Variants in CACNA1E observed in about 807,000 individuals in gnomAD.
CACNA1E encodes the protein voltage-dependent R-type calcium channel subunit alpha-1E.
Under a neutral mutation model 259.2 loss-of-function variants are expected in CACNA1E, and 40 were observed. The observed-to-expected ratio is 0.15, with a 90% CI of 0.12 to 0.20. The LOEUF (loss-of-function observed/expected upper bound fraction) is 0.20. Among genes scored for constraint, CACNA1E ranks in the 10% least tolerant of loss-of-function variants. The pLI is 1.00. For synonymous variants in CACNA1E, 1,104 were observed against 1,138.5 expected (o/e 0.97, Z 0.61); for missense variants, 1,874 against 3,040.1 (o/e 0.62, Z 9.02).
chr1:181,672,339 T>C (rs551855283), intron 7 of CACNA1E, among the ~76,000 whole-genome samples: 21 of 152,256 alleles, frequency 1.4e-4, no homozygotes, highest in Non-Finnish European at 3.1e-4. Context: ...GCCTGTGACA[T>C]GAGTTAACCT....
chr1:181,580,943 C>T (rs1260547090), intron 6 of CACNA1E, among the ~76,000 whole-genome samples, 167 bp downstream of exon 6: 3 of 152,210 alleles, frequency 2.0e-5, no homozygotes, highest in African/African-American at 7.2e-5. Flanking sequence ...GTTCATAACC[C>T]TCTTTTGTCT....
rs139516688 is a variant in CACNA1E, at chr1:181,742,060, C to T, written c.3719+2807C>T. 2.0e-3 allele frequency among the ~76,000 whole-genome samples: 299 copies of T among 152,330 alleles called. 5 individuals carry two copies. Among genetic ancestry groups the T allele is most frequent in the Admixed American group, 6.6e-3 (101 of 15,310 alleles). On this transcript the variant is annotated intron_variant, in intron 25 of 47. Transcript: ENST00000367573. Reference sequence around the variant, plus strand: ...GCCATGCCCATTCCCTCTCCCCTTTCTCCGCTCATGGAGCAGGTTCCCACT... The same window carrying T: ...GCCATGCCCATTCCCTCTCCCCTTTTTCCGCTCATGGAGCAGGTTCCCACT...
intron 1 of CACNA1E, among the ~76,000 whole-genome samples, chr1:181,497,972 CCCCG>C (rs1664915221): frequency 6.6e-6 from 1 of 152,166 alleles, no homozygotes; most frequent in Admixed American, 6.5e-5. Flanking sequence ...TTTGTCTTTC[CCCCG>C]CCAAAACTCC....
intron 7 of CACNA1E, among the ~76,000 whole-genome samples, chr1:181,661,184 C>G (rs1237502453): frequency 6.6e-6 from 1 of 152,146 alleles, no homozygotes; most frequent in East Asian, 1.9e-4. Flanking sequence ...TAAGTTTAAG[C>G]TTGATTCCAG....
intron 1 of CACNA1E, among the ~76,000 whole-genome samples, chr1:181,343,982 C>T (rs1652392866): frequency 6.6e-6 from 1 of 152,178 alleles, no homozygotes; most frequent in Non-Finnish European, 1.5e-5. Context: ...GCTACTCTTG[C>T]TCACCCTTCA....
At chr1:181,756,896 A>T (rs751752665) in intron 29 of CACNA1E, 29 bp from the exon 30 acceptor site, 14 of 1,463,774 alleles carry the variant, frequency 9.6e-6, no homozygotes, top group Non-Finnish European at 4.8e-6. Context: ...GTCATCCACC[A>T]TCTGTGCCCT....
chr1:181,583,052 C>T (rs1483763840), intron 6 of CACNA1E, among the ~76,000 whole-genome samples: 1 of 149,352 alleles, frequency 6.7e-6, no homozygotes, highest in Non-Finnish European at 1.5e-5. Context: ...GGACTGTTAC[C>T]CAAAGACTGT....
At chr1:181,318,342 G>A (rs1323699983) in intron 1 of CACNA1E, among the ~76,000 whole-genome samples, 1 of 152,132 alleles carries the variant, frequency 6.6e-6, no homozygotes, top group African/African-American at 2.4e-5. Flanking sequence ...CGCTCTGTCC[G>A]TTCCTTTGCA....
chr1:181,455,628 G>A (rs1259522246), intron 2 of CACNA1E, among the ~76,000 whole-genome samples: 1 of 152,150 alleles, frequency 6.6e-6, no homozygotes, highest in African/African-American at 2.4e-5. Context: ...AGTTCACCTT[G>A]TATTCCAGAA....
At chr1:181,761,805 T>C (rs190895464) in intron 32 of CACNA1E, among the ~76,000 whole-genome samples, 1 of 152,338 alleles carries the variant, frequency 6.6e-6, no homozygotes, top group Admixed American at 6.5e-5. Flanking sequence ...GGATGCATAG[T>C]CCACCCTCTC....
intron 1 of CACNA1E, among the ~76,000 whole-genome samples, chr1:181,495,028 T>C (rs1354555543): frequency 6.6e-6 from 1 of 152,222 alleles, no homozygotes; most frequent in Non-Finnish European, 1.5e-5. Context: ...CAGTACACAC[T>C]TTCATGACTA....
intron 6 of CACNA1E, among the ~76,000 whole-genome samples, chr1:181,640,761 G>T (rs970934483): frequency 5.3e-5 from 8 of 152,210 alleles, no homozygotes; most frequent in Non-Finnish European, 1.0e-4. Context: ...TATTTCCAGA[G>T]AAGGAAACTT....
In CACNA1E at chr1:181,510,399, TTG is replaced by T; in HGVS notation, c.267-72_267-71del. 1.7e-5 allele frequency: 15 copies of T among 898,754 alleles called. No homozygotes were observed. In the South Asian group the frequency reaches 2.0e-4, roughly 12 times the overall value. 55.7% of individuals were successfully genotyped at this position (898,754 alleles called of 1,614,324 possible). A position where few individuals can be genotyped will look rare whatever the true frequency, so the allele number is the denominator to read the frequency against. On this transcript the variant is annotated intron_variant, in intron 1 of 47. Transcript: ENST00000367573. ...ACAGACACAATGCGGGTTGATAGAGTTGTGTGTTTATGGGCACGGCCATCTTG... is the reference window on the plus strand; with the variant it reads ...ACAGACACAATGCGGGTTGATAGAGTTGTGTTTATGGGCACGGCCATCTTG...
At chr1:181,459,783 A>G (rs1162976703) in intron 2 of CACNA1E, among the ~76,000 whole-genome samples, 1 of 152,126 alleles carries the variant, frequency 6.6e-6, no homozygotes, top group African/African-American at 2.4e-5. Context: ...GAGCTTCCCT[A>G]TTGACACCAA....
intron 10 of CACNA1E, among the ~76,000 whole-genome samples, chr1:181,716,687 C>T (rs1314489551): frequency 2.0e-5 from 3 of 152,230 alleles, no homozygotes; most frequent in African/African-American, 7.2e-5. Flanking sequence ...GTTCCATCCT[C>T]AAAAGCAGAA....
chr1:181,327,333 C>T (rs1216220546), intron 1 of CACNA1E, among the ~76,000 whole-genome samples: 1 of 152,150 alleles, frequency 6.6e-6, no homozygotes, highest in Non-Finnish European at 1.5e-5. Context: ...TGAGTACCCA[C>T]CAACTCCTCT....
chr1:181,379,736 C>T (rs187033381), intron 1 of CACNA1E, among the ~76,000 whole-genome samples: 1 of 152,150 alleles, frequency 6.6e-6, no homozygotes, highest in Admixed American at 6.5e-5. Flanking sequence ...AAGGCCTCAC[C>T]TTCTAATATC....
At chr1:181,594,107 T>G (rs947074311) in intron 6 of CACNA1E, among the ~76,000 whole-genome samples, 1 of 152,068 alleles carries the variant, frequency 6.6e-6, no homozygotes, top group Non-Finnish European at 1.5e-5. Flanking sequence ...TTGTGAAAAT[T>G]TTGTGATCTG....
At chr1:181,337,686 A>T (rs970915368) in intron 1 of CACNA1E, among the ~76,000 whole-genome samples, 1 of 152,148 alleles carries the variant, frequency 6.6e-6, no homozygotes, top group African/African-American at 2.4e-5. Flanking sequence ...CTAAAATGAG[A>T]GTATCTCATT....
Sources: gnomAD v4.1 joint callset for allele counts (sites outside exome capture counted in the v4.1 genomes callset) on GRCh38, gnomAD v4.1.1 for gene constraint, MANE v1.5 for transcripts, NCBI Gene and HGNC (gene_info 2026-07-23, HGNC 2026-07-21) for gene names.